RASGRF2: variants seen among roughly 807,000 people sequenced by gnomAD.
The protein encoded by RASGRF2 is Ras protein specific guanine nucleotide releasing factor 2, also known as ras-specific guanine nucleotide-releasing factor 2.
In RASGRF2, 76 loss-of-function variants were observed where a neutral mutation model predicts 151.0. The ratio of observed to expected loss-of-function variants is 0.50; its 90% CI spans 0.42 to 0.61. The LOEUF (loss-of-function observed/expected upper bound fraction) is 0.61, where lower values mean the gene tolerates loss of function less well. RASGRF2 is among the 20% of genes least tolerant of loss of function. RASGRF2 has a pLI of 0.00. For missense variants in RASGRF2, 1,148 were observed against 1,564.6 expected (o/e 0.73, Z 4.49); for synonymous variants, 504 against 566.5 (o/e 0.89, Z 1.57).
chr5:81,096,951 T>G (rs947425899), intron 12 of RASGRF2, among the ~76,000 whole-genome samples: 1 of 122,248 alleles, frequency 8.2e-6, no homozygotes, highest in Non-Finnish European at 1.7e-5. Context: ...TTTCTGTTTT[T>G]TTTGTTTGTT....
chr5:81,146,081 T>G (rs568441546), intron 17 of RASGRF2, among the ~76,000 whole-genome samples: 29 of 152,354 alleles, frequency 1.9e-4, no homozygotes, highest in African/African-American at 7.0e-4. Flanking sequence ...TATTTGAAAT[T>G]AACATGTAGC....
intron 18 of RASGRF2, among the ~76,000 whole-genome samples, chr5:81,188,059 T>C (rs1052046600): frequency 6.6e-6 from 1 of 152,186 alleles, no homozygotes; most frequent in Non-Finnish European, 1.5e-5. Flanking sequence ...AGGCAGCTGC[T>C]GTCACCTCTC....
rs182485777 is a variant in RASGRF2, at chr5:81,035,752, G to A, written c.289-7125G>A. ...AGAGAGATAAAGAAATGGAAAATAC[G>A]AATGTAAAGGTGTTGTTAAGGCATA... On this transcript the variant is annotated intron_variant, in intron 1 of 26. Coordinates refer to ENST00000265080, the MANE Select transcript of RASGRF2 (RefSeq NM_006909.3). 9.9e-5 allele frequency among the ~76,000 whole-genome samples: 15 copies of A among 152,212 alleles called. No homozygotes were observed. The East Asian group carries it at 2.7e-3, about 27-fold the overall frequency.
intron 18 of RASGRF2, among the ~76,000 whole-genome samples, chr5:81,187,522 T>C (rs1183836907): frequency 6.6e-6 from 1 of 152,208 alleles, no homozygotes; most frequent in East Asian, 1.9e-4. Context: ...GGCACACCTA[T>C]ATTAGGTTTG....
At chr5:81,180,513 T>A (rs1021587220) in intron 18 of RASGRF2, among the ~76,000 whole-genome samples, 12 of 151,410 alleles carry the variant, frequency 7.9e-5, no homozygotes, top group African/African-American at 2.9e-4. Context: ...GAAACGGGGC[T>A]CCTCTGTCCC....
intron 17 of RASGRF2, among the ~76,000 whole-genome samples, chr5:81,140,544 G>A (rs557612627): frequency 7.2e-5 from 11 of 152,226 alleles, no homozygotes; most frequent in South Asian, 2.1e-4. Flanking sequence ...CTGAGCCTGC[G>A]AAGCAGCTAG....
chr5:81,159,223 A>G (rs1015548538), intron 17 of RASGRF2, among the ~76,000 whole-genome samples: 3 of 152,254 alleles, frequency 2.0e-5, no homozygotes, highest in Admixed American at 1.3e-4. Context: ...ACGCAAAAAT[A>G]TGCTAAGTTA....
At chr5:81,201,229 A>T in intron 18 of RASGRF2, 101 bp from the exon 19 acceptor site, 1 of 1,474,812 alleles carries the variant, frequency 6.8e-7, no homozygotes, top group Non-Finnish European at 9.0e-7. Context: ...TTTAATTTCC[A>T]TACCTAGCTT....
At chr5:81,117,145 G>A (rs898376685) in intron 15 of RASGRF2, among the ~76,000 whole-genome samples, 1 of 152,200 alleles carries the variant, frequency 6.6e-6, no homozygotes, top group Non-Finnish European at 1.5e-5. Context: ...AGCTGCTTGA[G>A]CTACTGTCTA....
At chr5:81,223,509 C>A (rs887021793) in intron 26 of RASGRF2, 2 of 152,276 alleles carry the variant, frequency 1.3e-5, no homozygotes, top group African/African-American at 4.8e-5. Flanking sequence ...GGCGTGGTGG[C>A]TGGCGCCTAT....
chr5:80,978,944 T>TC, intron 1 of RASGRF2, among the ~76,000 whole-genome samples: 1 of 152,342 alleles, frequency 6.6e-6, no homozygotes, highest in East Asian at 1.9e-4. Context: ...CAGCATTCTA[T>TC]CACACAGATG....
At chr5:81,165,032 T>C (rs1056440393) in intron 17 of RASGRF2, among the ~76,000 whole-genome samples, 1 of 152,154 alleles carries the variant, frequency 6.6e-6, no homozygotes, top group African/African-American at 2.4e-5. Flanking sequence ...AGCCTGCCAG[T>C]GTGGAGGGTT....
At chr5:81,028,538 A>T (rs1319888014) in intron 1 of RASGRF2, among the ~76,000 whole-genome samples, 2 of 152,196 alleles carry the variant, frequency 1.3e-5, no homozygotes, top group African/African-American at 2.4e-5. Context: ...ACTCATAAAG[A>T]TATGGAAATA....
At chr5:81,011,948 T>A (rs905242577) in intron 1 of RASGRF2, among the ~76,000 whole-genome samples, 4 of 152,214 alleles carry the variant, frequency 2.6e-5, no homozygotes, top group Non-Finnish European at 5.9e-5. Flanking sequence ...AAAATCTTGC[T>A]TTTTGTCACC....
chr5:81,058,417 T>G (rs1369882532), intron 2 of RASGRF2, among the ~76,000 whole-genome samples: 4 of 152,182 alleles, frequency 2.6e-5, no homozygotes, highest in African/African-American at 9.6e-5. Context: ...AAGCCCTGCA[T>G]GTGTTTTCAG....
chr5:81,051,292 A>G (rs1038408453), intron 2 of RASGRF2, among the ~76,000 whole-genome samples: 2 of 152,166 alleles, frequency 1.3e-5, no homozygotes, highest in Non-Finnish European at 2.9e-5. Context: ...TTTGGGGGGA[A>G]GTTGTTCTAT....
chr5:81,056,805 G>T (rs1751231177), intron 2 of RASGRF2, among the ~76,000 whole-genome samples: 1 of 152,060 alleles, frequency 6.6e-6, no homozygotes, highest in Admixed American at 6.6e-5. Flanking sequence ...TATGAATCTG[G>T]GTGCTCCTGT....
intron 8 of RASGRF2, 114 bp from the exon 9 acceptor site, chr5:81,086,721 G>A (rs1360749846): frequency 3.6e-6 from 3 of 824,344 alleles, no homozygotes; most frequent in South Asian, 3.4e-5. Flanking sequence ...CCAAACCCCC[G>A]GTTCAATCGA....
chr5:81,095,345 G>A (rs1752517154), intron 12 of RASGRF2, among the ~76,000 whole-genome samples: 2 of 152,224 alleles, frequency 1.3e-5, no homozygotes, highest in Admixed American at 6.5e-5. Context: ...TTCTGAAGCA[G>A]AATAATGGTG....
Sources: gnomAD v4.1 joint callset for allele counts (sites outside exome capture counted in the v4.1 genomes callset) on GRCh38, gnomAD v4.1.1 for gene constraint, MANE v1.5 for transcripts, NCBI Gene and HGNC (gene_info 2026-07-23, HGNC 2026-07-21) for gene names.